The following SUGCT variants were observed in gnomAD, a reference collection of about 807,000 sequenced individuals.
SUGCT encodes the protein succinyl-CoA:glutarate CoA-transferase.
In SUGCT, 41 loss-of-function variants were observed where a neutral mutation model predicts 55.0. That is an observed-to-expected ratio of 0.74 (90% CI 0.58 to 0.97). SUGCT has a LOEUF of 0.97. SUGCT is among the 50% of genes least tolerant of loss of function. The probability of loss-of-function intolerance (pLI) is 0.00; values close to 1 mark genes in which losing one functional copy is unlikely to be tolerated. For missense variants in SUGCT, 568 were observed against 547.8 expected (o/e 1.04, Z -0.37); for synonymous variants, 187 against 200.4 (o/e 0.93, Z 0.56).
chr7:40,672,780 C>T (rs73124023), intron 12 of SUGCT, among the ~76,000 whole-genome samples: 27,893 of 152,176 alleles, frequency 0.18, 2,694 homozygotes, highest in African/African-American at 0.23. Flanking sequence ...TGTGAATCTA[C>T]AATCATCTCA....
intron 1 of SUGCT, chr7:40,153,284 C>A: frequency 2.5e-6 from 1 of 400,220 alleles, no homozygotes; most frequent in South Asian, 2.1e-5. Context: ...AACTGAGCCT[C>A]AAGTGTAAAG....
At chr7:40,261,148 G>A (rs1034220027) in intron 7 of SUGCT, among the ~76,000 whole-genome samples, 3 of 152,096 alleles carry the variant, frequency 2.0e-5, no homozygotes, top group African/African-American at 7.2e-5. Context: ...CCTTGGATAA[G>A]GCAAATAAAT....
intron 12 of SUGCT, among the ~76,000 whole-genome samples, chr7:40,616,215 A>G (rs1343520864): frequency 6.7e-6 from 1 of 150,196 alleles, no homozygotes; most frequent in Non-Finnish European, 1.5e-5. Context: ...TTTCTTTTTG[A>G]GATGGAGTCT....
chr7:40,670,627 G>T (rs548898976), intron 12 of SUGCT, among the ~76,000 whole-genome samples: 2 of 152,200 alleles, frequency 1.3e-5, no homozygotes, highest in South Asian at 2.1e-4. Context: ...CAGTCCTTCT[G>T]CCTCAGCCTC....
chr7:40,423,746 G>C (rs768145448), intron 9 of SUGCT, among the ~76,000 whole-genome samples: 10 of 151,996 alleles, frequency 6.6e-5, no homozygotes, highest in Non-Finnish European at 1.5e-4. Flanking sequence ...CTATTGAAAA[G>C]GTAATGGAAA....
intron 12 of SUGCT, among the ~76,000 whole-genome samples, chr7:40,644,371 C>G: frequency 6.6e-6 from 1 of 152,176 alleles, no homozygotes; most frequent in East Asian, 1.9e-4. Flanking sequence ...CACAGCTACC[C>G]CTCAATCACT....
chr7:40,543,423 G>A (rs1361146332), intron 12 of SUGCT, among the ~76,000 whole-genome samples: 1 of 152,118 alleles, frequency 6.6e-6, no homozygotes, highest in Non-Finnish European at 1.5e-5. Context: ...AAAAATGAAG[G>A]CTGCAACACA....
intron 12 of SUGCT, among the ~76,000 whole-genome samples, chr7:40,625,504 C>T (rs1275108444): frequency 1.3e-5 from 2 of 152,098 alleles, no homozygotes; most frequent in Non-Finnish European, 2.9e-5. Flanking sequence ...TTCTCCTCCT[C>T]TTTCTTTTTC....
intron 1 of SUGCT, chr7:40,153,942 C>T (rs927859818): frequency 8.4e-6 from 3 of 355,376 alleles, no homozygotes; most frequent in South Asian, 5.6e-5. Flanking sequence ...AGATGAGTTG[C>T]GTCTGTGTAC....
the SUGCT span, among the ~76,000 whole-genome samples, chr7:40,972,329 T>C: frequency 1.3e-5 from 2 of 152,218 alleles, no homozygotes; most frequent in African/African-American, 4.8e-5. Flanking sequence ...TGGGATTCGA[T>C]TTTACACTCC....
chr7:40,183,760 T>A (rs1785347981), intron 3 of SUGCT, among the ~76,000 whole-genome samples: 1 of 152,216 alleles, frequency 6.6e-6, no homozygotes, highest in Admixed American at 6.5e-5. Flanking sequence ...TTCCTGTTCT[T>A]TCTTCCTCCT....
intron 12 of SUGCT, among the ~76,000 whole-genome samples, chr7:40,569,231 G>A (rs60011074): frequency 0.09 from 13,729 of 152,118 alleles, 666 homozygotes; most frequent in Middle Eastern, 0.11. Flanking sequence ...AATGTAGGAC[G>A]TAGGTGATCC....
chr7:40,479,377 A>G (rs1244339569), intron 11 of SUGCT, among the ~76,000 whole-genome samples: 1 of 152,168 alleles, frequency 6.6e-6, no homozygotes, highest in Non-Finnish European at 1.5e-5. Context: ...TTCATACAAT[A>G]ACATGCTGTA....
At chr7:40,322,323 C>G (rs1795799914) in intron 9 of SUGCT, among the ~76,000 whole-genome samples, 1 of 152,210 alleles carries the variant, frequency 6.6e-6, no homozygotes, top group South Asian at 2.1e-4. Flanking sequence ...CTCTAGTCTT[C>G]TATGAGTTTT....
chr7:40,834,185 G>A (rs1792838746), intron 13 of SUGCT, among the ~76,000 whole-genome samples: 1 of 151,182 alleles, frequency 6.6e-6, no homozygotes, highest in Non-Finnish European at 1.5e-5. Context: ...AAATGGAGAA[G>A]CATGGACTGG....
intron 12 of SUGCT, among the ~76,000 whole-genome samples, chr7:40,674,991 C>G (rs1402883782): frequency 6.6e-6 from 1 of 150,992 alleles, no homozygotes; most frequent in Non-Finnish European, 1.5e-5. Context: ...GAGTATGACT[C>G]TAGAGTTGAA....
At chr7:40,935,135 C>A in the SUGCT span, among the ~76,000 whole-genome samples, 1 of 152,202 alleles carries the variant, frequency 6.6e-6, no homozygotes, top group Admixed American at 6.5e-5. Context: ...TGGCAAATTT[C>A]ATCTGGAATA....
intron 12 of SUGCT, among the ~76,000 whole-genome samples, chr7:40,695,905 A>G (rs1784913595): frequency 6.6e-6 from 1 of 152,178 alleles, no homozygotes; most frequent in Admixed American, 6.5e-5. Context: ...GTTAAGAACC[A>G]TTATGTTAAG....
At chr7:40,328,643 C>G (rs1482151967) in intron 9 of SUGCT, among the ~76,000 whole-genome samples, 1 of 152,076 alleles carries the variant, frequency 6.6e-6, no homozygotes, top group Non-Finnish European at 1.5e-5. Flanking sequence ...CTGCTTAAAA[C>G]TCATTACTTG....
Sources: allele counts gnomAD v4.1 joint callset (sites outside exome capture counted in the v4.1 genomes callset), GRCh38; gene constraint gnomAD v4.1.1; transcripts MANE v1.5; gene names NCBI Gene and HGNC (gene_info 2026-07-23, HGNC 2026-07-21).